SIK3: variants seen among roughly 807,000 people sequenced by gnomAD.
SIK3 encodes the protein serine/threonine-protein kinase SIK3.
SIK3 carries 28 observed loss-of-function variants against 144.2 expected under a neutral mutation model. That is an observed-to-expected ratio of 0.19 (90% CI 0.14 to 0.27). The LOEUF is 0.27. SIK3 is among the 10% of genes least tolerant of loss of function. The pLI is 1.00. For missense variants in SIK3, 1,319 were observed against 1,776.0 expected, an observed-to-expected ratio of 0.74 and a Z score of 4.62; for synonymous variants, 686 against 676.3, an observed-to-expected ratio of 1.01 and a Z score of -0.22.
intron 1 of SIK3, among the ~76,000 whole-genome samples, chr11:117,056,528 AATAT>A (rs1162446941): frequency 6.9e-6 from 1 of 145,626 alleles, no homozygotes; most frequent in Admixed American, 7.0e-5. Context: ...GTATAATAAA[AATAT>A]ATAGATAGAT....
chr11:116,869,831 T>C (rs567272095), intron 14 of SIK3: 12 of 289,500 alleles, frequency 4.1e-5, no homozygotes, highest in African/African-American at 2.6e-4. Context: ...CCATATTCTC[T>C]TTTTCAATAT....
intron 4 of SIK3, among the ~76,000 whole-genome samples, chr11:116,901,205 C>A (rs185951490): frequency 6.6e-6 from 1 of 152,236 alleles, no homozygotes; most frequent in Non-Finnish European, 1.5e-5. Flanking sequence ...GTGTTTATAC[C>A]CTCCATTAAT....
rs1434925319 is a variant in SIK3, at chr11:116,849,311, G to A, written c.3656-28C>T. The A allele has an allele frequency of 6.2e-7, 1 of 1,613,226 alleles. No homozygotes were observed. Among genetic ancestry groups the A allele is most frequent in the East Asian group, 2.2e-5 (1 of 44,884 alleles). ...GAGGAGACACAGCAGAATAGAGTCA[G>A]TGGGGCGGAACTTCTCCCAGCACTG... On this transcript the variant is annotated intron_variant, in intron 21 of 24. Coordinates refer to ENST00000445177, the MANE Select transcript of SIK3 (RefSeq NM_001366686.3). The surrounding 1 kb of genome is among the most constrained non-coding windows in gnomAD (Gnocchi z 4.2).
intron 1 of SIK3, among the ~76,000 whole-genome samples, chr11:117,009,031 T>C (rs1474788992): frequency 6.6e-6 from 1 of 151,782 alleles, no homozygotes; most frequent in African/African-American, 2.4e-5. Context: ...AGTCAGGAGA[T>C]CAAGACCAGC....
chr11:117,065,086 T>G (rs1437965475), intron 1 of SIK3, among the ~76,000 whole-genome samples: 2 of 151,750 alleles, frequency 1.3e-5, no homozygotes, highest in Admixed American at 1.3e-4. Flanking sequence ...CAGGCAGAGG[T>G]TGCAGCGAGC....
rs113032784 is a variant in SIK3, at chr11:116,989,214, T to C, written c.274-32150A>G. ...CCTTCCACTTTTTTTTTTCCCCGCA[T>C]GTTCGAATGTCTCTCAGATGATATG... On this transcript the variant is annotated intron_variant, in intron 1 of 24. Coordinates refer to ENST00000445177, the MANE Select transcript of SIK3 (RefSeq NM_001366686.3). Among the ~76,000 whole-genome samples, 356 of 152,260 alleles carry C rather than the reference T, an allele frequency of 2.3e-3. 2 individuals carry two copies. Among genetic ancestry groups the C allele is most frequent in the South Asian group, 6.2e-3 (30 of 4,826 alleles).
At chr11:116,994,170 T>A (rs1950584582) in intron 1 of SIK3, among the ~76,000 whole-genome samples, 4 of 152,210 alleles carry the variant, frequency 2.6e-5, no homozygotes. Context: ...GATTTTTCAG[T>A]TATTGAATTA....
Position 116,859,378 on chromosome 11 carries a change from G to A in SIK3, c.2652C>T (p.Ser884=), listed in dbSNP as rs1943178632. Residue 884 remains serine (S), a synonymous_variant, in exon 20 of 25, where the codon AGC becomes AGT. Transcript: ENST00000445177. ...GCATCTGCATCTGACCAGCACTGGGGCTGATGGAGATGCCGCGCCCACTGG... is the reference window on the plus strand; with the variant it reads ...GCATCTGCATCTGACCAGCACTGGGACTGATGGAGATGCCGCGCCCACTGG... ...AGSSGRGISI[S]PSAGQMQMQH... 5.6e-6 allele frequency: 9 copies of A among 1,614,094 alleles called. No individual in the cohort carries two copies. Among genetic ancestry groups the A allele is most frequent in the Non-Finnish European group, 7.6e-6 (9 of 1,180,050 alleles).
Position 117,011,218 on chromosome 11 carries a change from T to C in SIK3, c.274-54154A>G, listed in dbSNP as rs552237389. Among the ~76,000 whole-genome samples the C allele has an allele frequency of 3.5e-4, 53 of 152,298 alleles. 1 individual carries two copies. The highest frequency in any genetic ancestry group is 1.3e-3 in the African/African-American group (53 of 41,564). The stretch of plus-strand genomic sequence containing the variant: ...GAAATCTGCAATCTCCACACTCCTT[T>C]TTTTTTCCCCCTGTAAACAGAAGCT... On this transcript the variant is annotated intron_variant, in intron 1 of 24. Coordinates refer to ENST00000445177, the MANE Select transcript of SIK3 (RefSeq NM_001366686.3).
intron 1 of SIK3, among the ~76,000 whole-genome samples, chr11:117,071,132 T>C (rs1954259171): frequency 6.6e-6 from 1 of 151,308 alleles, no homozygotes; most frequent in Admixed American, 6.6e-5. Context: ...GAGCTACTAG[T>C]AACTTCAACA....
At chr11:117,011,469 T>C (rs1951251896) in intron 1 of SIK3, among the ~76,000 whole-genome samples, 1 of 152,182 alleles carries the variant, frequency 6.6e-6, no homozygotes, top group Non-Finnish European at 1.5e-5. Flanking sequence ...TTGTTACACA[T>C]AACAGAGAGT....
In SIK3 at chr11:116,849,075, GGACTGGGAGGA is replaced by G; in HGVS notation, c.3819+34_3819+44del. On this transcript the variant is annotated intron_variant, in intron 22 of 24. Coordinates refer to ENST00000445177, the MANE Select transcript of SIK3 (RefSeq NM_001366686.3). The surrounding 1 kb of genome is among the most constrained non-coding windows in gnomAD (Gnocchi z 4.2). ...ATCACTATACTCTGTTTCAAGGCTG[GGACTGGGAGGA>G]TCCACCTCTGTGCAGCAGGTGGGAC... 6.5e-7 allele frequency: 1 copy of G among 1,540,878 alleles called. No individual in the cohort carries two copies. The highest frequency in any genetic ancestry group is 8.8e-7 in the Non-Finnish European group (1 of 1,139,018).
chr11:116,877,978 G>A (rs1944343377), intron 6 of SIK3, among the ~76,000 whole-genome samples: 1 of 152,180 alleles, frequency 6.6e-6, no homozygotes, highest in Non-Finnish European at 1.5e-5. Context: ...ACCAGGCACA[G>A]GGAGGTAAAG....
chr11:116,857,743 A>T (rs766866682), intron 21 of SIK3, 67 bp downstream of exon 21: 5 of 1,544,196 alleles, frequency 3.2e-6, no homozygotes, highest in Non-Finnish European at 2.6e-6. Flanking sequence ...CTGAAAAAAG[A>T]TAACATTACT....
At chr11:117,042,369 G>A (rs887488683) in intron 1 of SIK3, among the ~76,000 whole-genome samples, 3 of 152,186 alleles carry the variant, frequency 2.0e-5, no homozygotes, top group South Asian at 2.1e-4. Context: ...AAGAAAGGAG[G>A]CACAATGGTT....
chr11:117,051,971 G>A (rs1157005282), intron 1 of SIK3, among the ~76,000 whole-genome samples: 2 of 151,866 alleles, frequency 1.3e-5, no homozygotes, highest in Non-Finnish European at 1.5e-5. Flanking sequence ...GTGAAATCCC[G>A]TCTCTAATAA....
intron 1 of SIK3, among the ~76,000 whole-genome samples, chr11:117,030,175 T>C (rs1233185868): frequency 1.3e-5 from 2 of 152,180 alleles, no homozygotes; most frequent in African/African-American, 4.8e-5. Flanking sequence ...CGAAACTATA[T>C]TTCTGCAAAG....
In SIK3 at chr11:116,847,560, G is replaced by A. The variant is rs751831732; in HGVS notation, c.3868C>T (p.Leu1290Phe). 24 of 1,614,202 alleles carry A rather than the reference G, an allele frequency of 1.5e-5. No individual in the cohort carries two copies. The highest frequency in any genetic ancestry group is 2.0e-5 in the Non-Finnish European group (24 of 1,180,044). ...PGMSLVAGKA[L>F]SSARMSDAVL... ...GCATCCGACATCCGGGCAGAGCTAA[G>A]TGCTTTCCCAGCCACGAGACTCATT... The change falls in exon 23 of 25, where the codon CTT (leucine) becomes TTT (phenylalanine). Residue 1290 changes from leucine to phenylalanine, a missense_variant. Physicochemically the swap from Leu to Phe is conservative, Grantham distance 22. Transcript: ENST00000445177.
intron 1 of SIK3, among the ~76,000 whole-genome samples, chr11:117,005,336 GAAAAAAAAAAAAA>G (rs35279676): frequency 3.6e-5 from 2 of 55,966 alleles, no homozygotes; most frequent in Non-Finnish European, 6.9e-5. Flanking sequence ...CCCCGTCTCA[GAAAAAAAAAAAAA>G]AAAAAAAAAA....
Sources: allele counts gnomAD v4.1 joint callset (sites outside exome capture counted in the v4.1 genomes callset), GRCh38; gene constraint gnomAD v4.1.1; non-coding constraint Gnocchi (gnomAD v3.1); transcripts MANE v1.5; gene names NCBI Gene and HGNC (gene_info 2026-07-23, HGNC 2026-07-21).